The following KDM4C variants were observed in gnomAD, a reference collection of about 807,000 sequenced individuals.
The protein encoded by KDM4C is lysine-specific demethylase 4C.
Under a neutral mutation model 129.3 loss-of-function variants are expected in KDM4C, and 81 were observed. That is an observed-to-expected ratio of 0.63 (90% CI 0.52 to 0.75). The LOEUF (loss-of-function observed/expected upper bound fraction) is 0.75, where lower values mean the gene tolerates loss of function less well. Ranked by LOEUF, KDM4C falls within the 30% of genes least tolerant of loss-of-function variation. The pLI, the probability that KDM4C is intolerant of heterozygous loss-of-function variation, is 0.00. For missense variants in KDM4C, 1,457 were observed against 1,304.0 expected (o/e 1.12, Z -1.81); for synonymous variants, 573 against 456.1 (o/e 1.26, Z -3.26).
chr9:6,979,503 G>C (rs1308369467), intron 8 of KDM4C, among the ~76,000 whole-genome samples: 2 of 152,170 alleles, frequency 1.3e-5, no homozygotes, highest in Non-Finnish European at 2.9e-5. Context: ...TGCTGTGGGA[G>C]AGAAACCTGA....
intron 17 of KDM4C, among the ~76,000 whole-genome samples, chr9:7,071,400 A>G (rs532018953): frequency 1.3e-5 from 2 of 152,332 alleles, no homozygotes; most frequent in Middle Eastern, 3.4e-3. Flanking sequence ...TGCTTATTAT[A>G]AAGCTACAAT....
At chr9:6,776,921 G>A (rs147296903) in intron 1 of KDM4C, among the ~76,000 whole-genome samples, 3 of 152,246 alleles carry the variant, frequency 2.0e-5, no homozygotes, top group African/African-American at 7.2e-5. Context: ...CCTTTTAAAG[G>A]CTTCTCCTAC....
chr9:6,882,806 G>A (rs1476974127), intron 6 of KDM4C, among the ~76,000 whole-genome samples: 1 of 143,334 alleles, frequency 7.0e-6, no homozygotes, highest in Admixed American at 6.8e-5. Flanking sequence ...GTGTGTGTGT[G>A]CGCGTGTGCA....
chr9:6,932,709 C>T (rs1279369319), intron 8 of KDM4C, among the ~76,000 whole-genome samples: 1 of 152,146 alleles, frequency 6.6e-6, no homozygotes, highest in African/African-American at 2.4e-5. Flanking sequence ...TTGGTTCTGA[C>T]CCCTGGGATG....
intron 19 of KDM4C, among the ~76,000 whole-genome samples, chr9:7,154,546 G>A (rs1842984605): frequency 6.6e-6 from 1 of 152,204 alleles, no homozygotes; most frequent in Admixed American, 6.5e-5. Context: ...AGAGTTCCAA[G>A]AACTCAGTGA....
chr9:6,849,942 C>T (rs899924986), intron 5 of KDM4C, among the ~76,000 whole-genome samples: 11 of 152,086 alleles, frequency 7.2e-5, no homozygotes, highest in Non-Finnish European at 1.5e-4. Context: ...AATGATGGAC[C>T]ACAGATACAA....
intron 14 of KDM4C, among the ~76,000 whole-genome samples, chr9:7,014,833 A>G (rs1039363663): frequency 9.9e-5 from 15 of 151,892 alleles, no homozygotes; most frequent in Admixed American, 2.6e-4. Flanking sequence ...ATTAGAGACT[A>G]CCTACTTCCT....
intron 8 of KDM4C, among the ~76,000 whole-genome samples, chr9:6,967,279 C>T (rs1563903362): frequency 6.6e-6 from 1 of 152,014 alleles, no homozygotes; most frequent in Non-Finnish European, 1.5e-5. Context: ...CAAATATTAG[C>T]CGGGCTTGGT....
intron 8 of KDM4C, among the ~76,000 whole-genome samples, chr9:6,943,606 T>A (rs546205521): frequency 6.6e-6 from 1 of 150,804 alleles, no homozygotes; most frequent in Non-Finnish European, 1.5e-5. Flanking sequence ...GCCCAGGAGG[T>A]CAAAACTGCA....
At chr9:7,040,396 T>C (rs529639600) in intron 15 of KDM4C, among the ~76,000 whole-genome samples, 10 of 147,328 alleles carry the variant, frequency 6.8e-5, no homozygotes, top group Non-Finnish European at 1.3e-4. Context: ...TGTGTGTGTG[T>C]GTGTGTGTGC....
chr9:6,766,628 A>G (rs1416490617), intron 1 of KDM4C, among the ~76,000 whole-genome samples: 2 of 152,072 alleles, frequency 1.3e-5, no homozygotes, highest in African/African-American at 4.8e-5. Context: ...AAGAAGAACT[A>G]GAATCTGGAT....
intron 11 of KDM4C, among the ~76,000 whole-genome samples, chr9:6,989,731 C>G (rs541668726): frequency 8.6e-5 from 13 of 151,988 alleles, no homozygotes; most frequent in Non-Finnish European, 1.5e-4. Flanking sequence ...TTAGAGGTGA[C>G]CAAGAGCCAC....
At chr9:6,925,559 G>A (rs1822335669) in intron 8 of KDM4C, 1 of 981,526 alleles carries the variant, frequency 1.0e-6, no homozygotes, top group African/African-American at 1.8e-5. Flanking sequence ...GCCTCCCGAA[G>A]TTCTGGTACA....
chr9:6,830,235 G>A (rs1428066464), intron 4 of KDM4C, among the ~76,000 whole-genome samples: 2 of 152,182 alleles, frequency 1.3e-5, no homozygotes, highest in African/African-American at 2.4e-5. Context: ...CAGGATAACC[G>A]TGTATAGATA....
chr9:7,116,682 G>A (rs1838933402), intron 18 of KDM4C, among the ~76,000 whole-genome samples: 1 of 152,162 alleles, frequency 6.6e-6, no homozygotes, highest in African/African-American at 2.4e-5. Flanking sequence ...TGGCGAGGTA[G>A]GCAGAATCTG....
At chr9:6,834,561 G>A in intron 4 of KDM4C, 1 of 708,552 alleles carries the variant, frequency 1.4e-6, no homozygotes, top group Non-Finnish European at 2.6e-6. Context: ...TTCATCGTGT[G>A]GCACCCCAAG....
At chr9:7,096,439 A>C (rs889229781) in intron 17 of KDM4C, among the ~76,000 whole-genome samples, 4 of 152,234 alleles carry the variant, frequency 2.6e-5, no homozygotes, top group Non-Finnish European at 5.9e-5. Flanking sequence ...TGTTTCACCC[A>C]CAGCCTTCTC....
At chr9:7,168,409 C>A (rs1022472029) in intron 20 of KDM4C, among the ~76,000 whole-genome samples, 1 of 152,078 alleles carries the variant, frequency 6.6e-6, no homozygotes, top group African/African-American at 2.4e-5. Flanking sequence ...TGATTACATC[C>A]GTTTTGTTTC....
chr9:7,048,142 C>G (rs574102218), intron 16 of KDM4C, among the ~76,000 whole-genome samples: 1 of 152,064 alleles, frequency 6.6e-6, no homozygotes, highest in Non-Finnish European at 1.5e-5. Context: ...GGATGCCATA[C>G]TGTGAGATGG....
Sources: allele counts gnomAD v4.1 joint callset (sites outside exome capture counted in the v4.1 genomes callset), GRCh38; gene constraint gnomAD v4.1.1; transcripts MANE v1.5; gene names NCBI Gene and HGNC (gene_info 2026-07-23, HGNC 2026-07-21).